EAF2: variants seen among roughly 807,000 people sequenced by gnomAD.
EAF2 encodes ELL-associated factor 2.
Under a neutral mutation model 29.4 loss-of-function variants are expected in EAF2, and 29 were observed. The observed-to-expected ratio is 0.99, with a 90% CI of 0.73 to 1.35. The LOEUF (loss-of-function observed/expected upper bound fraction) is 1.35. EAF2 is among the 40% of genes most tolerant of loss of function. The pLI is 0.00. For missense variants in EAF2, 292 were observed against 312.0 expected, an observed-to-expected ratio of 0.94 and a Z score of 0.48; for synonymous variants, 103 against 102.5, an observed-to-expected ratio of 1.00 and a Z score of -0.03.
intron 4 of EAF2, among the ~76,000 whole-genome samples, chr3:121,859,608 A>G (rs1283901926): frequency 2.6e-5 from 4 of 152,176 alleles, no homozygotes; most frequent in African/African-American, 9.7e-5. Flanking sequence ...CAATCATGTC[A>G]TCTGCAAACA....
intron 4 of EAF2, among the ~76,000 whole-genome samples, chr3:121,869,818 G>A (rs1159203383): frequency 6.6e-6 from 1 of 152,116 alleles, no homozygotes; most frequent in African/African-American, 2.4e-5. Context: ...GAGCCCAAGA[G>A]GTTGAGGCTG....
chr3:121,841,948 G>A (rs1266210280), intron 1 of EAF2, among the ~76,000 whole-genome samples: 1 of 152,106 alleles, frequency 6.6e-6, no homozygotes, highest in African/African-American at 2.4e-5. Context: ...GGAGGTTGCA[G>A]TGAGCTGAGA....
At chr3:121,848,719 T>G (rs1357189761) in intron 2 of EAF2, among the ~76,000 whole-genome samples, 2 of 152,168 alleles carry the variant, frequency 1.3e-5, no homozygotes, top group Non-Finnish European at 2.9e-5. Context: ...GGCAGTCCCA[T>G]AAAATTGGAT....
chr3:121,855,035 C>T (rs747142359), intron 3 of EAF2, among the ~76,000 whole-genome samples: 1 of 152,136 alleles, frequency 6.6e-6, no homozygotes, highest in Non-Finnish European at 1.5e-5. Flanking sequence ...TGTTTTGCTT[C>T]TAAATGCTTT....
At chr3:121,850,134 G>C (rs945481800) in intron 2 of EAF2, among the ~76,000 whole-genome samples, 14 of 151,324 alleles carry the variant, frequency 9.3e-5, no homozygotes, top group Non-Finnish European at 1.6e-4. Context: ...ATAGTATGCT[G>C]TTTTATTTTT....
intron 5 of EAF2, among the ~76,000 whole-genome samples, chr3:121,873,987 C>T (rs918347223): frequency 7.9e-5 from 12 of 151,768 alleles, no homozygotes; most frequent in African/African-American, 2.4e-4. Context: ...GATTTGCTCT[C>T]TTTCTCTAGA....
At chr3:121,884,234 G>C (rs943924269) in intron 5 of EAF2, among the ~76,000 whole-genome samples, 6 of 150,888 alleles carry the variant, frequency 4.0e-5, no homozygotes, top group Non-Finnish European at 8.8e-5. Context: ...CAGCTACTCG[G>C]GAGGCTGAGG....
intron 1 of EAF2, among the ~76,000 whole-genome samples, chr3:121,842,102 C>G (rs1387033160): frequency 2.0e-5 from 3 of 151,444 alleles, no homozygotes; most frequent in Non-Finnish European, 4.4e-5. Context: ...GAGAATCGCT[C>G]GAACCCGGAA....
At chr3:121,846,234 A>G (rs948823474) in intron 2 of EAF2, among the ~76,000 whole-genome samples, 2 of 152,136 alleles carry the variant, frequency 1.3e-5, no homozygotes, top group African/African-American at 2.4e-5. Flanking sequence ...AGAGCCCACT[A>G]TTATGTCAGA....
intron 2 of EAF2, among the ~76,000 whole-genome samples, chr3:121,852,389 G>T (rs1265465205): frequency 6.6e-6 from 1 of 152,104 alleles, no homozygotes; most frequent in Non-Finnish European, 1.5e-5. Context: ...GACCCACTTT[G>T]TTTGGTTATA....
chr3:121,854,293 G>A (rs1708681159), intron 2 of EAF2, among the ~76,000 whole-genome samples: 1 of 127,098 alleles, frequency 7.9e-6, no homozygotes, highest in Non-Finnish European at 1.6e-5. Flanking sequence ...TCCAGCCCGG[G>A]CAACAGAGCA....
At chr3:121,874,068 G>A (rs1406435609) in intron 5 of EAF2, among the ~76,000 whole-genome samples, 1 of 151,734 alleles carries the variant, frequency 6.6e-6, no homozygotes, top group Non-Finnish European at 1.5e-5. Context: ...CTTAGCACAT[G>A]GTACTTGACA....
At chr3:121,874,728 T>G (rs926095365) in intron 5 of EAF2, among the ~76,000 whole-genome samples, 6 of 151,960 alleles carry the variant, frequency 3.9e-5, no homozygotes, top group Admixed American at 3.3e-4. Flanking sequence ...TGAATTTGTG[T>G]TTTTAAAACC....
At chr3:121,837,181 T>C (rs950086992) in intron 1 of EAF2, among the ~76,000 whole-genome samples, 1 of 152,218 alleles carries the variant, frequency 6.6e-6, no homozygotes, top group African/African-American at 2.4e-5. Flanking sequence ...TTTATTGTTG[T>C]TGTTGAAGCA....
At chr3:121,844,303 TTTTG>T (rs1708484057) in intron 1 of EAF2, 146 bp from the exon 2 acceptor site, 2 of 520,906 alleles carry the variant, frequency 3.8e-6, no homozygotes, top group East Asian at 7.5e-5. Flanking sequence ...CTAGATTGTA[TTTTG>T]TTTGTTCATT....
intron 2 of EAF2, among the ~76,000 whole-genome samples, chr3:121,852,643 T>A (rs916216818): frequency 1.3e-4 from 20 of 152,234 alleles, no homozygotes; most frequent in African/African-American, 4.8e-4. Context: ...CATTTTCAAT[T>A]ACCTAATTTA....
At chr3:121,882,193 A>C (rs9713603) in intron 5 of EAF2, among the ~76,000 whole-genome samples, 1 of 152,004 alleles carries the variant, frequency 6.6e-6, no homozygotes, top group Non-Finnish European at 1.5e-5. Context: ...TACTAAAAAT[A>C]CAAAAATTAG....
At chr3:121,883,074 C>A (rs1709218321) in intron 5 of EAF2, among the ~76,000 whole-genome samples, 1 of 152,016 alleles carries the variant, frequency 6.6e-6, no homozygotes, top group African/African-American at 2.4e-5. Flanking sequence ...TGTGTTCTAA[C>A]TTTGTAAATG....
At chr3:121,865,941 CT>C (rs1708918248) in intron 4 of EAF2, among the ~76,000 whole-genome samples, 1 of 152,184 alleles carries the variant, frequency 6.6e-6, no homozygotes, top group Non-Finnish European at 1.5e-5. Flanking sequence ...ACCTGCCCCC[CT>C]GCCCTATTAA....
Sources: gnomAD v4.1 joint callset for allele counts (sites outside exome capture counted in the v4.1 genomes callset) on GRCh38, gnomAD v4.1.1 for gene constraint, MANE v1.5 for transcripts, NCBI Gene and HGNC (gene_info 2026-07-23, HGNC 2026-07-21) for gene names.